Variants in NAA20 observed in about 807,000 individuals in gnomAD.
The protein encoded by NAA20 is N-alpha-acetyltransferase 20.
A neutral mutation model predicts 23.8 loss-of-function variants in NAA20; 24 were observed. The ratio of observed to expected loss-of-function variants is 1.01; its 90% CI spans 0.73 to 1.42. The LOEUF (loss-of-function observed/expected upper bound fraction) is 1.42, where lower values mean the gene tolerates loss of function less well. NAA20 is among the 40% of genes most tolerant of loss of function. The pLI, the probability that NAA20 is intolerant of heterozygous loss-of-function variation, is 0.00. For synonymous variants in NAA20, 83 were observed against 77.7 expected, an observed-to-expected ratio of 1.07 and a Z score of -0.36; for missense variants, 166 against 223.1, an observed-to-expected ratio of 0.74 and a Z score of 1.63.
intron 1 of NAA20, 94 bp downstream of exon 1, chr20:20,017,543 C>T: frequency 6.8e-7 from 1 of 1,475,920 alleles, no homozygotes; most frequent in South Asian, 1.3e-5. Context: ...CCCGGCCGGA[C>T]CCCAAGCCCG....
At chr20:20,025,960 C>T (rs1206933892) in intron 3 of NAA20, among the ~76,000 whole-genome samples, 193 bp downstream of exon 3, 1 of 151,610 alleles carries the variant, frequency 6.6e-6, no homozygotes, top group Non-Finnish European at 1.5e-5. Context: ...GTGAACCAGA[C>T]AGACATGGTC....
chr20:20,032,471 CATTCTAACATTTTCCTTTTTTGTTTTT>C lies in NAA20; in HGVS notation c.306-36_306-10del. 1 of 1,597,738 alleles carries C rather than the reference CATTCTAACATTTTCCTTTTTTGTTTTT, an allele frequency of 6.3e-7. No individual in the cohort carries two copies. Among genetic ancestry groups the C allele is most frequent in the African/African-American group, 1.3e-5 (1 of 74,274 alleles). Reference sequence around the variant, plus strand: ...ATCTATTACTTTCTAGGGTTTCTCACATTCTAACATTTTCCTTTTTTGTTTTTCTTTTAAAGAAAGGGTGGATTTTTT... The same window carrying C: ...ATCTATTACTTTCTAGGGTTTCTCACCTTTTAAAGAAAGGGTGGATTTTTT... On this transcript the variant is annotated splice_polypyrimidine_tract_variant and intron_variant, in intron 4 of 5. Transcript: ENST00000334982.
In NAA20 at chr20:20,032,281, T is replaced by C. The variant is rs534681759; in HGVS notation, c.306-227T>C. ...TTAAGAAAACGTGTTGCTTTTGAAATACTAGCATGCAAACATAAAGTCATG... is the reference window on the plus strand; with the variant it reads ...TTAAGAAAACGTGTTGCTTTTGAAACACTAGCATGCAAACATAAAGTCATG... On this transcript the variant is annotated intron_variant, in intron 4 of 5. Transcript: ENST00000334982. 5.3e-5 allele frequency among the ~76,000 whole-genome samples: 8 copies of C among 151,374 alleles called. No individual in the cohort carries two copies. In the South Asian group the frequency reaches 8.3e-4, roughly 16 times the overall value.
intron 1 of NAA20, chr20:20,018,824 GT>G: frequency 1.1e-6 from 1 of 922,938 alleles, no homozygotes; most frequent in Non-Finnish European, 1.3e-6. Flanking sequence ...CCCATTTTGT[GT>G]ATGAGTAAAC....
At chr20:20,026,109 G>A (rs543341049) in intron 3 of NAA20, among the ~76,000 whole-genome samples, 58 of 152,088 alleles carry the variant, frequency 3.8e-4, no homozygotes, top group East Asian at 3.3e-3. Flanking sequence ...GTTCAAGATC[G>A]GCCTGGCCAA....
Position 20,032,615 on chromosome 20 carries a change from A to G in NAA20, c.413A>G (p.Tyr138Cys), listed in dbSNP as rs2043353527. 6.2e-7 allele frequency: 1 copy of G among 1,608,606 alleles called. No homozygotes were observed. The highest frequency in any genetic ancestry group is 8.5e-7 in the Non-Finnish European group (1 of 1,177,750). The change falls in exon 5 of 6, where the codon TAT (tyrosine) becomes TGT (cysteine). Residue 138 changes from tyrosine (Y) to cysteine (C), a missense_variant. Tyr to Cys is a radical substitution (Grantham distance 194, BLOSUM62 -2). Coordinates refer to ENST00000334982, the MANE Select transcript of NAA20 (RefSeq NM_016100.5). ...GTATATAGGACGGTCATAGAGTACTATTCGGCCAGCAACGGGGAGCCTGAT... is the reference window on the plus strand; with the variant it reads ...GTATATAGGACGGTCATAGAGTACTGTTCGGCCAGCAACGGGGAGCCTGAT... ...YSVYRTVIEY[Y>C]SASNGEPDED...
At chr20:20,029,464 A>C (rs1322307073) in intron 4 of NAA20, among the ~76,000 whole-genome samples, 2 of 152,014 alleles carry the variant, frequency 1.3e-5, no homozygotes. Context: ...TAAAAATACA[A>C]AAATTAGCCG....
At chr20:20,020,778 C>G (rs2043261602) in intron 1 of NAA20, among the ~76,000 whole-genome samples, 1 of 152,190 alleles carries the variant, frequency 6.6e-6, no homozygotes, top group South Asian at 2.1e-4. Flanking sequence ...ACCCCATGGT[C>G]TCAGAAGCTG....
intron 1 of NAA20, among the ~76,000 whole-genome samples, chr20:20,021,640 AAGG>A (rs1426911933): frequency 1.3e-5 from 2 of 152,238 alleles, no homozygotes; most frequent in Non-Finnish European, 2.9e-5. Context: ...TTTTAGCGTA[AAGG>A]AGTTCTGAAA....
intron 4 of NAA20, among the ~76,000 whole-genome samples, chr20:20,030,857 T>C (rs2043339224): frequency 6.6e-6 from 1 of 152,010 alleles, no homozygotes. Context: ...ATTGTATTTA[T>C]ATATATATAA....
chr20:20,022,447 T>A lies in NAA20; in HGVS notation c.54-9T>A, dbSNP rs2043275377. ...TGCTTACTAGAGACATTTCTCTTGT[T>A]TCTTTCAGTAACTTGGATCCACTTA... is the stretch of plus-strand genomic sequence containing the variant. On this transcript the variant is annotated splice_polypyrimidine_tract_variant and intron_variant, in intron 1 of 5. Transcript: ENST00000334982. 2 of 1,589,170 alleles carry A rather than the reference T, an allele frequency of 1.3e-6. No individual in the cohort carries two copies. The highest frequency in any genetic ancestry group is 1.7e-6 in the Non-Finnish European group (2 of 1,171,270).
At chr20:20,017,786 C>A in intron 1 of NAA20, 1 of 1,440,112 alleles carries the variant, frequency 6.9e-7, no homozygotes, top group Non-Finnish European at 9.1e-7. Flanking sequence ...GAGCTGGAGA[C>A]GCGGCCTGGA....
rs968187473 is a variant in NAA20 at position 20,017,580 on chromosome 20, C to T, written c.53+131C>T. The T allele has an allele frequency of 1.3e-5, 18 of 1,346,064 alleles. No homozygotes were observed. In the African/African-American group the frequency reaches 2.3e-4, roughly 17 times the overall value. 83.4% of individuals were successfully genotyped at this position (1,346,064 alleles called of 1,614,324 possible). ...ACGGGGACCCGCGAGAACCACCCCC[C>T]GCCGGCCAACGTGGGCGCCTCCCTG... On this transcript the variant is annotated intron_variant, in intron 1 of 5. Coordinates refer to ENST00000334982, the MANE Select transcript of NAA20 (RefSeq NM_016100.5).
intron 1 of NAA20, among the ~76,000 whole-genome samples, chr20:20,020,097 A>T (rs1020650304): frequency 1.3e-5 from 2 of 152,222 alleles, no homozygotes; most frequent in Admixed American, 6.5e-5. Flanking sequence ...AGACATAAAC[A>T]AAAAGGTGTC....
intron 3 of NAA20, 103 bp from the exon 4 acceptor site, chr20:20,026,681 T>G (rs200177): frequency 0.68 from 994,685 of 1,468,730 alleles, 339,014 homozygotes; most frequent in East Asian, 0.85. Flanking sequence ...TAAAAACTTC[T>G]TTATTAGTTT....
intron 1 of NAA20, among the ~76,000 whole-genome samples, chr20:20,022,196 A>G (rs893833950): frequency 1.3e-5 from 2 of 152,224 alleles, no homozygotes; most frequent in Non-Finnish European, 2.9e-5. Context: ...CACAAGATGT[A>G]GATTTATTAA....
At chr20:20,028,109 G>A (rs778117730) in intron 4 of NAA20, among the ~76,000 whole-genome samples, 36 of 152,214 alleles carry the variant, frequency 2.4e-4, no homozygotes, top group Non-Finnish European at 4.4e-5. Flanking sequence ...TGTGTTAGCT[G>A]AAAAAGAAGT....
chr20:20,017,784 G>A, intron 1 of NAA20: 1 of 1,440,536 alleles, frequency 6.9e-7, no homozygotes, highest in Non-Finnish European at 9.1e-7. Flanking sequence ...GCGAGCTGGA[G>A]ACGCGGCCTG....
At chr20:20,017,740 C>A in intron 1 of NAA20, 1 of 1,431,876 alleles carries the variant, frequency 7.0e-7, no homozygotes. Context: ...GGCCTCCGCT[C>A]GTGGTCGCTG....
Sources: gnomAD v4.1 joint callset for allele counts (sites outside exome capture counted in the v4.1 genomes callset) on GRCh38, gnomAD v4.1.1 for gene constraint, MANE v1.5 for transcripts, NCBI Gene and HGNC (gene_info 2026-07-23, HGNC 2026-07-21) for gene names.